The following KDM4B variants were observed in gnomAD, a reference collection of about 807,000 sequenced individuals.
KDM4B encodes lysine demethylase 4B, also known as lysine-specific demethylase 4B.
A neutral mutation model predicts 125.2 loss-of-function variants in KDM4B; 32 were observed. The observed-to-expected ratio is 0.26, with a 90% CI of 0.19 to 0.34. The LOEUF (loss-of-function observed/expected upper bound fraction) is 0.34. Among genes scored for constraint, KDM4B ranks in the 10% least tolerant of loss-of-function variants. KDM4B has a pLI of 1.00. For synonymous variants in KDM4B, 721 were observed against 677.9 expected (o/e 1.06, Z -0.99); for missense variants, 1,190 against 1,577.7 (o/e 0.75, Z 4.16).
chr19:5,103,346 A>G (rs2038973732), intron 9 of KDM4B, among the ~76,000 whole-genome samples: 1 of 152,214 alleles, frequency 6.6e-6, no homozygotes, highest in African/African-American at 2.4e-5. Context: ...TGGAAAAAAG[A>G]AATCTATTTA....
At chr19:4,994,837 A>G (rs1195580657) in intron 1 of KDM4B, among the ~76,000 whole-genome samples, 1 of 151,992 alleles carries the variant, frequency 6.6e-6, no homozygotes, top group African/African-American at 2.4e-5. Context: ...TCTTTTCATG[A>G]TTGTTAGCAC....
rs1403300730 is a variant in KDM4B, at chr19:5,117,719, C to T, written c.1116-1934C>T. On this transcript the variant is annotated intron_variant, in intron 10 of 22. Transcript: ENST00000159111. ...GGCCACTCCCGTGTCCCCCATCCAC[C>T]TCCTGCTCCCTGTGTTAGTGACTCT... Among the ~76,000 whole-genome samples the T allele has an allele frequency of 3.3e-5, 5 of 152,308 alleles. No individual in the cohort carries two copies. The East Asian group carries it at 9.7e-4, about 29-fold the overall frequency.
At chr19:5,132,904 T>C (rs545848193) in intron 13 of KDM4B, among the ~76,000 whole-genome samples, 1 of 152,234 alleles carries the variant, frequency 6.6e-6, no homozygotes, top group Admixed American at 6.5e-5. Flanking sequence ...GGCGGTACTG[T>C]CTGGTTTGGG....
At position 5,056,118 on chromosome 19, in the gene KDM4B, CGTCCCCTAATCTGTAT is replaced by C. The variant is rs748833194; in HGVS notation, c.626+8461_626+8476del. ...AGGGCTGGCCAGGGAGTTTATAGAA[CGTCCCCTAATCTGTAT>C]GTCCCCTAATCAGCATGTCTGATGT... On this transcript the variant is annotated intron_variant, in intron 6 of 22. Transcript: ENST00000159111. Among the ~76,000 whole-genome samples the C allele has an allele frequency of 3.6e-3, 554 of 152,248 alleles. 6 individuals are homozygous for C. Among genetic ancestry groups the C allele is most frequent in the Non-Finnish European group, 1.9e-3 (130 of 68,020 alleles).
rs369866194 is a variant in KDM4B at position 5,008,653 on chromosome 19, C to T, written c.-108-7604C>T. Among the ~76,000 whole-genome samples, 106 of 148,464 alleles carry T rather than the reference C, an allele frequency of 7.1e-4. 1 individual carries two copies. Among genetic ancestry groups the T allele is most frequent in the African/African-American group, 2.5e-3 (102 of 40,244 alleles). On this transcript the variant is annotated intron_variant, in intron 1 of 22. Coordinates refer to ENST00000159111, the MANE Select transcript of KDM4B (RefSeq NM_015015.3). ...TCACCCAGACTGGAGTGCAGTGCCA[C>T]AATCTCAATTCACGGTAACCTCTGC...
chr19:5,047,409 G>A (rs2037060230), intron 5 of KDM4B, 67 bp from the exon 6 acceptor site: 7 of 1,450,782 alleles, frequency 4.8e-6, no homozygotes, highest in Non-Finnish European at 6.6e-6. Context: ...GAATTAGCCT[G>A]CACCCCAGGG....
chr19:5,033,667 G>A (rs2036528545), intron 3 of KDM4B, among the ~76,000 whole-genome samples: 1 of 152,188 alleles, frequency 6.6e-6, no homozygotes, highest in Admixed American at 6.5e-5. Flanking sequence ...CGACAGCGCA[G>A]GTACATAGTG....
At chr19:5,128,730 G>A (rs1483426266) in intron 11 of KDM4B, among the ~76,000 whole-genome samples, 2 of 148,812 alleles carry the variant, frequency 1.3e-5, no homozygotes, top group Non-Finnish European at 3.0e-5. Context: ...TCCCAGGGAG[G>A]GGGTGCCTCC....
intron 1 of KDM4B, among the ~76,000 whole-genome samples, chr19:4,983,327 A>G (rs1014405060): frequency 6.6e-6 from 1 of 151,886 alleles, no homozygotes; most frequent in African/African-American, 2.4e-5. Flanking sequence ...CACCCTCCCA[A>G]TCCTGCCCCC....
At chr19:5,068,660 C>T (rs1006782710) in intron 6 of KDM4B, among the ~76,000 whole-genome samples, 3 of 152,212 alleles carry the variant, frequency 2.0e-5, no homozygotes, top group Admixed American at 6.5e-5. Context: ...TTCCGAGTGG[C>T]GGGAGGTGCA....
At chr19:5,017,988 C>G (rs1467175150) in intron 2 of KDM4B, among the ~76,000 whole-genome samples, 1 of 152,034 alleles carries the variant, frequency 6.6e-6, no homozygotes, top group Admixed American at 6.6e-5. Context: ...ATCCGCCCAC[C>G]TTGGCCTCCC....
intron 1 of KDM4B, among the ~76,000 whole-genome samples, chr19:4,980,155 G>A (rs1271730143): frequency 1.3e-5 from 2 of 151,658 alleles, no homozygotes; most frequent in Non-Finnish European, 2.9e-5. Context: ...ACACAGTTGT[G>A]CAACCGTCAC....
rs1384938515 is a variant in KDM4B, at chr19:5,035,074, G to A, written c.141+2043G>A. ...GAACGGTGGGGGCTGCTGCCGTCCC[G>A]GCTTCAGTTCTGTCTTTAAAAGGCT... On this transcript the variant is annotated intron_variant, in intron 3 of 22. Transcript: ENST00000159111. This position sits in a 1 kb window ranked among gnomAD's most constrained non-coding sequence, Gnocchi z 5.3. 2.0e-5 allele frequency among the ~76,000 whole-genome samples: 3 copies of A among 152,128 alleles called. No individual in the cohort carries two copies. The highest frequency in any genetic ancestry group is 4.4e-5 in the Non-Finnish European group (3 of 68,018).
chr19:5,011,739 G>A (rs796998465), intron 1 of KDM4B, among the ~76,000 whole-genome samples: 1 of 152,230 alleles, frequency 6.6e-6, no homozygotes, highest in Non-Finnish European at 1.5e-5. Context: ...TCTGGTGCAG[G>A]CCCAACTTTC....
intron 7 of KDM4B, among the ~76,000 whole-genome samples, chr19:5,071,500 G>T (rs983691590): frequency 2.6e-5 from 4 of 152,246 alleles, no homozygotes; most frequent in African/African-American, 9.6e-5. Flanking sequence ...CATGGTGGCC[G>T]CACGGCGTTT....
At chr19:5,151,014 G>C (rs372487148) in intron 22 of KDM4B, among the ~76,000 whole-genome samples, 3 of 152,186 alleles carry the variant, frequency 2.0e-5, no homozygotes, top group African/African-American at 7.2e-5. Context: ...CAGAGCCCGT[G>C]GGGGAGGTTC....
intron 2 of KDM4B, 121 bp downstream of exon 2, chr19:5,016,460 G>C (rs570423014): frequency 5.8e-4 from 89 of 152,348 alleles, no homozygotes; most frequent in African/African-American, 1.8e-3. Context: ...CTGAATTCCC[G>C]GGACGTCCAG....
intron 10 of KDM4B, chr19:5,119,331 G>T: frequency 1.4e-6 from 1 of 737,778 alleles, no homozygotes; most frequent in South Asian, 1.7e-5. Context: ...GGCTCCTGCC[G>T]CCCCGTCCCG....
intron 11 of KDM4B, among the ~76,000 whole-genome samples, chr19:5,124,476 G>A (rs2620848): frequency 0.26 from 39,185 of 152,082 alleles, 5,412 homozygotes; most frequent in East Asian, 0.64. Flanking sequence ...CGTACCATGG[G>A]TGTCTTCCTC....
Sources: allele counts gnomAD v4.1 joint callset (sites outside exome capture counted in the v4.1 genomes callset), GRCh38; gene constraint gnomAD v4.1.1; non-coding constraint Gnocchi (gnomAD v3.1); transcripts MANE v1.5; gene names NCBI Gene and HGNC (gene_info 2026-07-23, HGNC 2026-07-21).